The following OR3A2 variants were observed in gnomAD, a reference collection of about 807,000 sequenced individuals.
OR3A2 encodes the protein olfactory receptor family 3 subfamily A member 2.
For missense variants in OR3A2, 318 were observed against 392.8 expected (o/e 0.81, Z 1.61); for synonymous variants, 126 against 159.3 (o/e 0.79, Z 1.57).
At chr17:3,352,108 T>A (rs1263306280) in intron 2 of OR3A2, among the ~76,000 whole-genome samples, 3 of 152,008 alleles carry the variant, frequency 2.0e-5, no homozygotes, top group African/African-American at 7.2e-5. Context: ...GGATTAGATT[T>A]TTTTCCTATA....
chr17:3,368,992 G>C (rs1017491753), intron 2 of OR3A2, among the ~76,000 whole-genome samples: 27 of 152,044 alleles, frequency 1.8e-4, no homozygotes, highest in Non-Finnish European at 3.8e-4. Flanking sequence ...TATATTTTTT[G>C]TAGCAGTTGT....
intron 2 of OR3A2, among the ~76,000 whole-genome samples, chr17:3,356,443 T>C (rs560188058): frequency 6.6e-6 from 1 of 151,664 alleles, no homozygotes; most frequent in East Asian, 1.9e-4. Context: ...TCTCATCTTT[T>C]GCTTGTCTGA....
At chr17:3,321,516 T>G (rs1009767417) in intron 3 of OR3A2, among the ~76,000 whole-genome samples, 1 of 152,086 alleles carries the variant, frequency 6.6e-6, no homozygotes, top group African/African-American at 2.4e-5. Context: ...GGCTGTGGGT[T>G]TGTCATAGAT....
At chr17:3,310,214 A>C in intron 3 of OR3A2, 1 of 446,664 alleles carries the variant, frequency 2.2e-6, no homozygotes, top group South Asian at 1.7e-5. Context: ...CATTGCTATC[A>C]AGATCTCATT....
At chr17:3,300,135 T>C (rs1160763300) in intron 3 of OR3A2, among the ~76,000 whole-genome samples, 2 of 151,206 alleles carry the variant, frequency 1.3e-5, no homozygotes, top group African/African-American at 2.4e-5. Context: ...TTCCCTTCCC[T>C]CTTTTTTTTT....
intron 2 of OR3A2, among the ~76,000 whole-genome samples, chr17:3,380,748 G>A (rs931837016): frequency 3.3e-5 from 5 of 152,152 alleles, no homozygotes; most frequent in Non-Finnish European, 7.3e-5. Context: ...GGCTGGCCAA[G>A]GAGAGACTGG....
chr17:3,308,037 G>A (rs899728113), intron 3 of OR3A2, among the ~76,000 whole-genome samples: 9 of 152,144 alleles, frequency 5.9e-5, no homozygotes, highest in East Asian at 1.9e-4. Flanking sequence ...CAAGAGTGCC[G>A]TTTCACCAGT....
At chr17:3,369,650 T>C (rs771933700) in intron 2 of OR3A2, among the ~76,000 whole-genome samples, 14 of 152,166 alleles carry the variant, frequency 9.2e-5, no homozygotes, top group Admixed American at 8.5e-4. Flanking sequence ...TTGTTGAGGA[T>C]TTTTGCATCT....
At chr17:3,368,050 C>G (rs1452761846) in intron 2 of OR3A2, among the ~76,000 whole-genome samples, 1 of 152,054 alleles carries the variant, frequency 6.6e-6, no homozygotes, top group African/African-American at 2.4e-5. Context: ...TGAGAATTGT[C>G]TATTCATGCC....
intron 2 of OR3A2, among the ~76,000 whole-genome samples, chr17:3,341,965 T>C (rs1391064392): frequency 6.6e-6 from 1 of 152,208 alleles, no homozygotes; most frequent in Non-Finnish European, 1.5e-5. Flanking sequence ...GTTCGTTTCT[T>C]TTTACTCTTT....
chr17:3,337,095 C>T (rs1474345793), intron 2 of OR3A2, among the ~76,000 whole-genome samples: 2 of 152,284 alleles, frequency 1.3e-5, no homozygotes, highest in East Asian at 1.9e-4. Flanking sequence ...GGAAGCAAGG[C>T]CCACACTTCC....
At chr17:3,290,450 C>A (rs1050051266) in intron 3 of OR3A2, among the ~76,000 whole-genome samples, 3 of 152,162 alleles carry the variant, frequency 2.0e-5, no homozygotes, top group Admixed American at 2.0e-4. Flanking sequence ...CTCCTCCAGT[C>A]TTGTTTTGCT....
intron 1 of OR3A2, 24 bp from the exon 4 acceptor site, chr17:3,279,177 T>G: frequency 1.7e-6 from 1 of 598,800 alleles, no homozygotes; most frequent in South Asian, 2.5e-5. Context: ...AGAACTATAG[T>G]TAATAAAGTG....
chr17:3,372,246 C>G (rs1258143587), intron 2 of OR3A2, among the ~76,000 whole-genome samples: 20 of 148,414 alleles, frequency 1.3e-4, no homozygotes, highest in Admixed American at 1.1e-3. Flanking sequence ...CAGAGATGCT[C>G]CTCACTTCCT....
At chr17:3,354,937 T>A (rs906238979) in intron 2 of OR3A2, among the ~76,000 whole-genome samples, 1 of 151,304 alleles carries the variant, frequency 6.6e-6, no homozygotes, top group African/African-American at 2.4e-5. Context: ...CTCTATCCCA[T>A]AGGTTTTGGT....
intron 2 of OR3A2, among the ~76,000 whole-genome samples, chr17:3,357,182 G>A (rs1424075541): frequency 6.6e-5 from 10 of 151,646 alleles, no homozygotes; most frequent in Non-Finnish European, 1.5e-4. Flanking sequence ...AATACAGCTA[G>A]TCCATGAAGC....
At chr17:3,313,137 T>C (rs766463117) in intron 3 of OR3A2, among the ~76,000 whole-genome samples, 1 of 152,174 alleles carries the variant, frequency 6.6e-6, no homozygotes, top group African/African-American at 2.4e-5. Context: ...AATAGAATCA[T>C]AGTCAATTTC....
chr17:3,346,610 G>C (rs917845410), intron 2 of OR3A2, among the ~76,000 whole-genome samples: 8 of 151,420 alleles, frequency 5.3e-5, no homozygotes, highest in African/African-American at 1.9e-4. Context: ...ACTCTGCTGT[G>C]CTATCAAATA....
At chr17:3,382,872 T>C (rs192362797) in intron 2 of OR3A2, among the ~76,000 whole-genome samples, 1 of 152,290 alleles carries the variant, frequency 6.6e-6, no homozygotes, top group Admixed American at 6.5e-5. Context: ...CTTATTACAT[T>C]GTGCCTAGCT....
Sources: allele counts gnomAD v4.1 joint callset (sites outside exome capture counted in the v4.1 genomes callset), GRCh38; gene constraint gnomAD v4.1.1; transcripts MANE v1.5; gene names NCBI Gene and HGNC (gene_info 2026-07-23, HGNC 2026-07-21).